Variants in PDE9A observed in about 807,000 individuals in gnomAD.
The protein encoded by PDE9A is high affinity cGMP-specific 3',5'-cyclic phosphodiesterase 9A.
In PDE9A, 60 loss-of-function variants were observed where a neutral mutation model predicts 87.4. The observed-to-expected ratio is 0.69, with a 90% confidence interval of 0.56 to 0.85. The LOEUF is 0.85. PDE9A is among the 40% of genes least tolerant of loss of function. PDE9A has a pLI of 0.00. For synonymous variants in PDE9A, 272 were observed against 279.4 expected (o/e 0.97, Z 0.27); for missense variants, 665 against 779.0 (o/e 0.85, Z 1.74).
intron 19 of PDE9A, among the ~76,000 whole-genome samples, chr21:42,774,047 C>G (rs1206588733): frequency 1.3e-5 from 2 of 152,076 alleles, no homozygotes; most frequent in African/African-American, 2.4e-5. Context: ...CCACTGCACT[C>G]CAGCCTGGGT....
intron 17 of PDE9A, among the ~76,000 whole-genome samples, chr21:42,769,397 GCACACACA>G (rs369718563): frequency 6.4e-5 from 7 of 109,110 alleles, no homozygotes; most frequent in South Asian, 3.5e-4. Context: ...GCACACAAAT[GCACACACA>G]CGGCACACAC....
At chr21:42,715,263 G>GAA in intron 4 of PDE9A, among the ~76,000 whole-genome samples, 1 of 149,064 alleles carries the variant, frequency 6.7e-6, no homozygotes, top group South Asian at 2.1e-4. Context: ...GAAAAGTGTG[G>GAA]AGCTCCCACA....
rs745870687 is a variant in PDE9A, at chr21:42,702,450, C to T, written c.262+3439C>T. Among the ~76,000 whole-genome samples, 1 of 152,042 alleles carries T rather than the reference C, an allele frequency of 6.6e-6. No homozygotes were observed. The highest frequency in any genetic ancestry group is 1.5e-5 in the Non-Finnish European group (1 of 68,024). ...CTGGTTTCCTCCTCTCTGCCATATC[C>T]GAGTCTGTCTCTGTTGATTGATTTA... On this transcript the variant is annotated intron_variant, in intron 4 of 19. Transcript: ENST00000291539. This position sits in a 1 kb window ranked among gnomAD's most constrained non-coding sequence, Gnocchi z 4.9.
At chr21:42,709,861 G>T (rs1046205815) in intron 4 of PDE9A, among the ~76,000 whole-genome samples, 1 of 152,116 alleles carries the variant, frequency 6.6e-6, no homozygotes, top group Non-Finnish European at 1.5e-5. Context: ...AAAGCAATCC[G>T]CATCATGATG....
intron 4 of PDE9A, among the ~76,000 whole-genome samples, chr21:42,726,391 G>A (rs73362644): frequency 0.068 from 10,212 of 151,126 alleles, 1,158 homozygotes; most frequent in African/African-American, 0.24. Context: ...CCACCTTACC[G>A]AAGACCCTGA....
At position 42,726,609 on chromosome 21, in the gene PDE9A, TA is replaced by T. The variant is rs1569207162; in HGVS notation, c.263-5160del. ...ACGCCTGGCCATATATATATATATATATATATATATATATATTTTTTTTTTT... is the reference window on the plus strand; with the variant it reads ...ACGCCTGGCCATATATATATATATATTATATATATATATATTTTTTTTTTT... On this transcript the variant is annotated intron_variant, in intron 4 of 19. Coordinates refer to ENST00000291539, the MANE Select transcript of PDE9A (RefSeq NM_002606.3). Among the ~76,000 whole-genome samples the T allele has an allele frequency of 9.4e-4, 24 of 25,498 alleles. 3 individuals carry two copies. The highest frequency in any genetic ancestry group is 5.9e-3 in the African/African-American group (22 of 3,726). The allele number at this position is 25,498 out of a possible 152,430, so 16.7% of individuals were successfully genotyped here. A position where few individuals can be genotyped will look rare whatever the true frequency, so the allele number is the denominator to read the frequency against.
At chr21:42,699,188 C>T (rs1474909108) in intron 4 of PDE9A, 177 bp downstream of exon 4, 14 of 586,442 alleles carry the variant, frequency 2.4e-5, no homozygotes, top group East Asian at 1.2e-4. Context: ...CATTTGAAGC[C>T]GATACAACTG....
intron 4 of PDE9A, among the ~76,000 whole-genome samples, chr21:42,716,634 C>A (rs978321928): frequency 6.6e-6 from 1 of 151,346 alleles, no homozygotes; most frequent in Non-Finnish European, 1.5e-5. Context: ...AAAATAAGGA[C>A]ACTGCAGCTA....
At chr21:42,665,642 C>T (rs1215975300) in intron 1 of PDE9A, among the ~76,000 whole-genome samples, 2 of 152,184 alleles carry the variant, frequency 1.3e-5, no homozygotes, top group Admixed American at 1.3e-4. Flanking sequence ...TGCTGAATGT[C>T]CCCGCTCCTA....
At chr21:42,728,470 T>G (rs527536025) in intron 4 of PDE9A, among the ~76,000 whole-genome samples, 4 of 152,242 alleles carry the variant, frequency 2.6e-5, no homozygotes, top group Non-Finnish European at 2.9e-5. Context: ...ATTTTTCTTC[T>G]TTAGCCTGTT....
chr21:42,763,835 A>G (rs567319133), intron 14 of PDE9A, among the ~76,000 whole-genome samples: 71 of 152,278 alleles, frequency 4.7e-4, no homozygotes, highest in African/African-American at 1.7e-3. Context: ...CTCTTCTACC[A>G]TGGCTTTCCA....
intron 10 of PDE9A, among the ~76,000 whole-genome samples, chr21:42,755,777 C>T (rs1475934646): frequency 2.0e-5 from 3 of 152,160 alleles, no homozygotes; most frequent in Non-Finnish European, 4.4e-5. Context: ...TGTGGGCAAC[C>T]GCCGCACCTC....
chr21:42,697,481 G>C, intron 3 of PDE9A: 1 of 1,596,718 alleles, frequency 6.3e-7, no homozygotes, highest in Non-Finnish European at 8.6e-7. Flanking sequence ...AGTCATGGGC[G>C]TCCCACCAGG....
intron 1 of PDE9A, among the ~76,000 whole-genome samples, chr21:42,662,655 G>GCA (rs751060582): frequency 9.5e-6 from 1 of 105,354 alleles, no homozygotes; most frequent in African/African-American, 3.8e-5. Context: ...CCCACACCAT[G>GCA]CACACACACA....
At chr21:42,751,704 C>T (rs1010540957) in intron 9 of PDE9A, among the ~76,000 whole-genome samples, 2 of 150,646 alleles carry the variant, frequency 1.3e-5, no homozygotes, top group East Asian at 3.9e-4. Context: ...ACCCGCTCAA[C>T]GCCTTCAGCT....
Position 42,775,320 on chromosome 21 carries a change from C to G in PDE9A, c.*27C>G. ...GAAAGCGGGGGGCGTGGCTGCAGTT[C>G]TGGACGGGCTGGCCGAGCTGCGCGG... On this transcript the variant is annotated 3_prime_UTR_variant, in exon 20 of 20. Coordinates refer to ENST00000291539, the MANE Select transcript of PDE9A (RefSeq NM_002606.3). 6.2e-7 allele frequency: 1 copy of G among 1,607,396 alleles called. No homozygotes were observed. The highest frequency in any genetic ancestry group is 8.5e-7 in the Non-Finnish European group (1 of 1,176,870).
intron 14 of PDE9A, among the ~76,000 whole-genome samples, chr21:42,763,684 C>G (rs1464515186): frequency 6.6e-6 from 1 of 152,226 alleles, no homozygotes; most frequent in Non-Finnish European, 1.5e-5. Flanking sequence ...TGCGGTTCCA[C>G]AAGGCAGACC....
At chr21:42,750,182 G>A (rs1020218429) in intron 8 of PDE9A, among the ~76,000 whole-genome samples, 4 of 151,686 alleles carry the variant, frequency 2.6e-5, no homozygotes, top group Admixed American at 2.0e-4. Flanking sequence ...ACAAAGGGGC[G>A]GGGTGCAGTG....
chr21:42,749,705 C>T (rs141394596), intron 8 of PDE9A, among the ~76,000 whole-genome samples: 1 of 152,364 alleles, frequency 6.6e-6, no homozygotes, highest in Non-Finnish European at 1.5e-5. Context: ...GGATTGCTAA[C>T]GTGTGCTATG....
Sources: allele counts gnomAD v4.1 joint callset (sites outside exome capture counted in the v4.1 genomes callset), GRCh38; gene constraint gnomAD v4.1.1; non-coding constraint Gnocchi (gnomAD v3.1); transcripts MANE v1.5; gene names NCBI Gene and HGNC (gene_info 2026-07-23, HGNC 2026-07-21).